Variants in FAIM2 observed in about 807,000 individuals in gnomAD.
FAIM2 encodes protein lifeguard 2.
FAIM2 carries 27 observed loss-of-function variants against 47.4 expected under a neutral mutation model. The observed-to-expected ratio is 0.57, with a 90% CI of 0.42 to 0.78. FAIM2 has a LOEUF of 0.78. Ranked by LOEUF, FAIM2 falls within the 30% of genes least tolerant of loss-of-function variation. FAIM2 has a pLI of 0.00. For synonymous variants in FAIM2, 156 were observed against 159.3 expected (o/e 0.98, Z 0.16); for missense variants, 311 against 389.4 (o/e 0.80, Z 1.69).
rs1017661321 is a variant in FAIM2, at chr12:49,897,545, C to T, written c.354G>A (p.Leu118=). The T allele has an allele frequency of 6.2e-7, 1 of 1,614,036 alleles. No individual in the cohort carries two copies. The highest frequency in any genetic ancestry group is 1.3e-5 in the African/African-American group (1 of 74,910). ...AGAAAGTAAAGAGAGCCACGACAGC[C>T]AAGGTCACCAGCAGCTGAATCAGCA... The part of the protein sequence containing the change: ...TILLIQLLVT[L]AVVALFTFCD... Residue 118 remains leucine, a synonymous_variant, in exon 4 of 12, where the codon TTG becomes TTA. Coordinates refer to ENST00000320634, the MANE Select transcript of FAIM2 (RefSeq NM_012306.4).
At chr12:49,887,276 C>A (rs1946868320) in intron 11 of FAIM2, 110 bp downstream of exon 11, 3 of 977,570 alleles carry the variant, frequency 3.1e-6, no homozygotes, top group African/African-American at 1.6e-5. Context: ...CCCGCAGGTG[C>A]TCCCGAGGAT....
chr12:49,899,109 G>A (rs1946963067), intron 2 of FAIM2, among the ~76,000 whole-genome samples: 1 of 152,154 alleles, frequency 6.6e-6, no homozygotes, highest in Non-Finnish European at 1.5e-5. Context: ...AAAGTTACTG[G>A]CCTTCCCTGA....
In FAIM2 at chr12:49,899,819, G is replaced by A. The variant is rs117311038; in HGVS notation, c.211+1311C>T. Reference sequence around the variant, plus strand: ...GGTCTTGCAAATCAATGCATCCTCCGAAACAAACCCAGACGCGAACCCTGT... The same window carrying A: ...GGTCTTGCAAATCAATGCATCCTCCAAAACAAACCCAGACGCGAACCCTGT... On this transcript the variant is annotated intron_variant, in intron 2 of 11. Transcript: ENST00000320634. 7.3e-3 allele frequency among the ~76,000 whole-genome samples: 1,113 copies of A among 152,318 alleles called. 4 individuals are homozygous for A. The highest frequency in any genetic ancestry group is 0.014 in the Admixed American group (217 of 15,300).
chr12:49,891,207 C>T lies in FAIM2; in HGVS notation c.435-93G>A, dbSNP rs1040365730. ...TTATGCCACTCTCTGCCACCCCCACCCACAGGGCAGCCAGGAGGGACAGGA... is the reference window on the plus strand; with the variant it reads ...TTATGCCACTCTCTGCCACCCCCACTCACAGGGCAGCCAGGAGGGACAGGA... On this transcript the variant is annotated intron_variant, in intron 5 of 11. Transcript: ENST00000320634. 4 of 1,222,348 alleles carry T rather than the reference C, an allele frequency of 3.3e-6. No homozygotes were observed. The African/African-American group carries it at 5.9e-5, about 18-fold the overall frequency. The allele number at this position is 1,222,348 out of a possible 1,614,324, so 75.7% of individuals were successfully genotyped here.
At chr12:49,903,581 C>T (rs886449280) in intron 1 of FAIM2, among the ~76,000 whole-genome samples, 197 bp downstream of exon 1, 1 of 152,218 alleles carries the variant, frequency 6.6e-6, no homozygotes, top group Admixed American at 6.5e-5. Flanking sequence ...AGGAGAGGCG[C>T]GCCTGCGGGC....
Position 49,870,293 on chromosome 12 carries a change from C to T in FAIM2, c.*211G>A, listed in dbSNP as rs1946692508. On this transcript the variant is annotated 3_prime_UTR_variant, in exon 12 of 12. Coordinates refer to ENST00000320634, the MANE Select transcript of FAIM2 (RefSeq NM_012306.4). The stretch of plus-strand genomic sequence containing the variant: ...TGGAAGATGTAACGGGCGAATGGGG[C>T]GGCACAGGGATTGACGTGGCCTCAG... The T allele has an allele frequency of 9.7e-6, 5 of 517,026 alleles. No homozygotes were observed. The highest frequency in any genetic ancestry group is 5.4e-5 in the South Asian group (2 of 37,134). The allele number at this position is 517,026 out of a possible 1,614,324, so 32.0% of individuals were successfully genotyped here. A position where few individuals can be genotyped will look rare whatever the true frequency, so the allele number is the denominator to read the frequency against.
At chr12:49,877,970 G>GTGTATGTGTATGTGTA (rs1454596634) in intron 11 of FAIM2, among the ~76,000 whole-genome samples, 1,859 of 151,042 alleles carry the variant, frequency 0.012, 37 homozygotes, top group African/African-American at 0.044. Flanking sequence ...GTATGTGTAT[G>GTGTATGTGTATGTGTA]TGTGCATGTA....
intron 10 of FAIM2, among the ~76,000 whole-genome samples, chr12:49,888,386 G>C (rs1278257747): frequency 1.3e-5 from 2 of 152,208 alleles, no homozygotes; most frequent in African/African-American, 4.8e-5. Flanking sequence ...GAAAAGGGCA[G>C]TGGGGGACTG....
chr12:49,885,186 A>G (rs1946852866), intron 11 of FAIM2, among the ~76,000 whole-genome samples: 1 of 152,212 alleles, frequency 6.6e-6, no homozygotes, highest in Non-Finnish European at 1.5e-5. Flanking sequence ...AGGGCTTATC[A>G]AACAAATTTA....
chr12:49,903,524 C>G (rs1039235128), intron 1 of FAIM2, among the ~76,000 whole-genome samples: 4 of 152,356 alleles, frequency 2.6e-5, no homozygotes, highest in African/African-American at 9.6e-5. Context: ...CTGTGAGGAG[C>G]CTTGTAATGC....
In FAIM2 at chr12:49,897,993, G is replaced by C. The variant is rs1048247283; in HGVS notation, c.309C>G (p.Val103=). 17 of 1,613,052 alleles carry C rather than the reference G, an allele frequency of 1.1e-5. No individual in the cohort carries two copies. In the African/African-American group the frequency reaches 2.0e-4, roughly 19 times the overall value. ...WDDQKVRRVF[V]RKVYTILLIQ... is the part of the protein sequence containing the mutation. ...GGCTACAGAGGGGCATTACCTTTCTGACAAAGACTCGACGAACTTTCTGGT... is the reference window on the plus strand; with the variant it reads ...GGCTACAGAGGGGCATTACCTTTCTCACAAAGACTCGACGAACTTTCTGGT... The change falls in exon 3 of 12, where the codon GTC becomes GTG. Residue 103 remains valine, a synonymous_variant. Coordinates refer to ENST00000320634, the MANE Select transcript of FAIM2 (RefSeq NM_012306.4).
At chr12:49,891,963 G>A (rs950227221) in intron 5 of FAIM2, among the ~76,000 whole-genome samples, 1 of 152,098 alleles carries the variant, frequency 6.6e-6, no homozygotes, top group African/African-American at 2.4e-5. Flanking sequence ...ACCTAGGTTA[G>A]CGGTGCCACC....
chr12:49,891,020 C>G, intron 6 of FAIM2, 44 bp downstream of exon 6: 2 of 1,597,552 alleles, frequency 1.3e-6, no homozygotes, highest in Non-Finnish European at 1.7e-6. Context: ...TTTTCATGAT[C>G]CTGCTCATAT....
At chr12:49,878,806 G>GT (rs1280022585) in intron 11 of FAIM2, among the ~76,000 whole-genome samples, 1 of 87,760 alleles carries the variant, frequency 1.1e-5, no homozygotes. Flanking sequence ...GTATATGTGT[G>GT]CATGTGAATG....
chr12:49,880,727 T>C, intron 11 of FAIM2, among the ~76,000 whole-genome samples: 1 of 20,804 alleles, frequency 4.8e-5, no homozygotes, highest in Non-Finnish European at 8.4e-5. Context: ...CGTGTATATG[T>C]GTGTGTGTAT....
chr12:49,878,112 A>C (rs978989174), intron 11 of FAIM2, among the ~76,000 whole-genome samples: 1 of 127,186 alleles, frequency 7.9e-6, no homozygotes, highest in Non-Finnish European at 1.6e-5. Flanking sequence ...GCATGTGTGT[A>C]TGTGGGTATG....
intron 11 of FAIM2, among the ~76,000 whole-genome samples, chr12:49,884,711 A>G (rs1266002101): frequency 6.6e-6 from 1 of 152,224 alleles, no homozygotes; most frequent in East Asian, 1.9e-4. Flanking sequence ...ATGGTCACTC[A>G]CGCCTGTAAT....
intron 5 of FAIM2, among the ~76,000 whole-genome samples, chr12:49,896,677 A>G (rs935999947): frequency 3.3e-5 from 5 of 152,262 alleles, no homozygotes; most frequent in African/African-American, 1.2e-4. Context: ...CATTAATAAG[A>G]GCAGCAACAT....
At chr12:49,889,253 G>A in intron 9 of FAIM2, 51 bp from the exon 10 acceptor site, 3 of 1,437,686 alleles carry the variant, frequency 2.1e-6, no homozygotes, top group South Asian at 2.4e-5. Context: ...CCTTCCTGGG[G>A]CCCCAACTAC....
Sources: allele counts gnomAD v4.1 joint callset (sites outside exome capture counted in the v4.1 genomes callset), GRCh38; gene constraint gnomAD v4.1.1; transcripts MANE v1.5; gene names NCBI Gene and HGNC (gene_info 2026-07-23, HGNC 2026-07-21).